The following MAD1L1 variants were observed in gnomAD, a reference collection of about 807,000 sequenced individuals.
MAD1L1 encodes the protein mitotic spindle assembly checkpoint protein MAD1.
In MAD1L1, 95 loss-of-function variants were observed where a neutral mutation model predicts 96.9. The observed-to-expected ratio is 0.98, with a 90% CI of 0.83 to 1.16. The LOEUF is 1.16. Among genes scored for constraint, MAD1L1 ranks in the 50% most tolerant of loss-of-function variants. MAD1L1 has a pLI of 0.00. For missense variants in MAD1L1, 1,007 were observed against 954.4 expected (o/e 1.06, Z -0.73); for synonymous variants, 473 against 396.6 (o/e 1.19, Z -2.29).
intron 11 of MAD1L1, among the ~76,000 whole-genome samples, chr7:2,144,972 A>G (rs1789222074): frequency 6.6e-6 from 1 of 152,118 alleles, no homozygotes; most frequent in Non-Finnish European, 1.5e-5. Flanking sequence ...CGGCTAAAGG[A>G]AGGGAGAAAC....
At chr7:1,934,490 A>G (rs1039592302) in intron 17 of MAD1L1, among the ~76,000 whole-genome samples, 1 of 151,870 alleles carries the variant, frequency 6.6e-6, no homozygotes. Flanking sequence ...CGAACCCTAG[A>G]CAGGCAGAGA....
intron 11 of MAD1L1, among the ~76,000 whole-genome samples, chr7:2,097,833 C>G (rs1244191591): frequency 6.6e-6 from 1 of 152,210 alleles, no homozygotes; most frequent in African/African-American, 2.4e-5. Flanking sequence ...GCGCCTGCAT[C>G]GAGACTCAGC....
intron 11 of MAD1L1, among the ~76,000 whole-genome samples, chr7:2,081,553 C>T (rs758583881): frequency 5.9e-5 from 9 of 152,156 alleles, no homozygotes; most frequent in Admixed American, 2.0e-4. Context: ...ACACAGGAGG[C>T]GGGGGGCGCT....
intron 18 of MAD1L1, among the ~76,000 whole-genome samples, chr7:1,818,856 C>A: frequency 7.4e-6 from 1 of 134,602 alleles, no homozygotes; most frequent in African/African-American, 3.1e-5. Flanking sequence ...CGCTGCCCTC[C>A]AGGTGGGGGT....
intron 10 of MAD1L1, among the ~76,000 whole-genome samples, chr7:2,170,966 T>A (rs1180929663): frequency 1.3e-5 from 2 of 152,072 alleles, no homozygotes; most frequent in Non-Finnish European, 2.9e-5. Context: ...CGGTTATAGG[T>A]GATCAAACGC....
chr7:2,117,305 C>T (rs564415415), intron 11 of MAD1L1, among the ~76,000 whole-genome samples: 1 of 152,210 alleles, frequency 6.6e-6, no homozygotes, highest in Admixed American at 6.5e-5. Flanking sequence ...AACAGGCAGT[C>T]CAGCTCCACA....
At chr7:2,152,258 G>A (rs190679034) in intron 10 of MAD1L1, among the ~76,000 whole-genome samples, 17 of 152,254 alleles carry the variant, frequency 1.1e-4, no homozygotes, top group South Asian at 8.3e-4. Context: ...GTCCCCATGC[G>A]ACCAGGCCCC....
chr7:2,115,554 G>T (rs1294654012), intron 11 of MAD1L1, among the ~76,000 whole-genome samples: 1 of 150,938 alleles, frequency 6.6e-6, no homozygotes, highest in African/African-American at 2.4e-5. Context: ...GGAGGCGCTG[G>T]ACAGGGTCCC....
chr7:2,063,653 T>TAAAAAC (rs1170836712), intron 12 of MAD1L1, among the ~76,000 whole-genome samples: 3 of 152,108 alleles, frequency 2.0e-5, no homozygotes, highest in Non-Finnish European at 4.4e-5. Context: ...TGTTCAAAAA[T>TAAAAAC]AAAAACACTC....
At chr7:2,068,509 C>T (rs12333585) in intron 12 of MAD1L1, among the ~76,000 whole-genome samples, 9,318 of 152,254 alleles carry the variant, frequency 0.061, 567 homozygotes, top group African/African-American at 0.15. Context: ...CACAGCCCTC[C>T]GCCCACTCAG....
rs375624836 is a variant in MAD1L1, at chr7:2,225,481, T to C, written c.220A>G (p.Met74Val). ...CGAGCCCTCTTGTGACTCAGCTCCA[T>C]CTGCATTTTCTCCCGCTCCACCTGG... ...LIQVEREKMQ[M>V]ELSHKRARVE... Residue 74 changes from methionine to valine, a missense_variant, in exon 4 of 19, where the codon ATG becomes GTG. Transcript: ENST00000265854. 1.5e-5 allele frequency: 24 copies of C among 1,614,080 alleles called. No individual in the cohort carries two copies. Among genetic ancestry groups the C allele is most frequent in the Non-Finnish European group, 1.9e-5 (23 of 1,180,044 alleles).
chr7:2,173,408 G>A (rs1017251484), intron 10 of MAD1L1, among the ~76,000 whole-genome samples: 1 of 152,176 alleles, frequency 6.6e-6, no homozygotes, highest in Non-Finnish European at 1.5e-5. Flanking sequence ...CACTCACACT[G>A]AGGCCACAAA....
At chr7:1,893,363 AC>A (rs148222301) in intron 18 of MAD1L1, among the ~76,000 whole-genome samples, 81 of 152,284 alleles carry the variant, frequency 5.3e-4, no homozygotes, top group African/African-American at 1.8e-3. Context: ...CATCTGTGGA[AC>A]CCGCTTGACT....
At chr7:2,175,123 C>T (rs1790885127) in intron 10 of MAD1L1, 1 of 152,226 alleles carries the variant, frequency 6.6e-6, no homozygotes, top group South Asian at 2.1e-4. Flanking sequence ...AGTTCACTTA[C>T]CGTAGTCCAT....
intron 11 of MAD1L1, among the ~76,000 whole-genome samples, chr7:2,139,237 A>T (rs1233465817): frequency 6.6e-6 from 1 of 151,072 alleles, no homozygotes; most frequent in Non-Finnish European, 1.5e-5. Flanking sequence ...ACACGGCCCG[A>T]CCCCCTGAGC....
At chr7:2,144,241 T>G (rs1283895499) in intron 11 of MAD1L1, among the ~76,000 whole-genome samples, 4 of 152,144 alleles carry the variant, frequency 2.6e-5, no homozygotes, top group Non-Finnish European at 5.9e-5. Flanking sequence ...GAGGCTCAAG[T>G]GAGAGGCTGC....
At chr7:2,118,468 G>A (rs752043533) in intron 11 of MAD1L1, among the ~76,000 whole-genome samples, 25 of 152,358 alleles carry the variant, frequency 1.6e-4, no homozygotes, top group African/African-American at 4.1e-4. Context: ...CCGTGTGGGC[G>A]CGGTGAGCAC....
chr7:2,125,611 G>A (rs759611066), intron 11 of MAD1L1, among the ~76,000 whole-genome samples: 1 of 152,160 alleles, frequency 6.6e-6, no homozygotes, highest in Non-Finnish European at 1.5e-5. Flanking sequence ...GCACCTCACC[G>A]GCAGGAGGCT....
intron 11 of MAD1L1, among the ~76,000 whole-genome samples, chr7:2,090,748 G>A (rs766676961): frequency 7.9e-5 from 12 of 152,152 alleles, no homozygotes; most frequent in East Asian, 1.9e-4. Context: ...CAGACGCAGC[G>A]TCCCCATCAT....
Sources: allele counts gnomAD v4.1 joint callset (sites outside exome capture counted in the v4.1 genomes callset), GRCh38; gene constraint gnomAD v4.1.1; transcripts MANE v1.5; gene names NCBI Gene and HGNC (gene_info 2026-07-23, HGNC 2026-07-21).